Variants in WWP2 observed in about 807,000 individuals in gnomAD.
The protein encoded by WWP2 is NEDD4-like E3 ubiquitin-protein ligase WWP2.
WWP2 carries 57 observed loss-of-function variants against 121.0 expected under a neutral mutation model. The ratio of observed to expected loss-of-function variants is 0.47; its 90% CI spans 0.38 to 0.59. WWP2 has a LOEUF of 0.59. Ranked by LOEUF, WWP2 falls within the 20% of genes least tolerant of loss-of-function variation. The pLI, the probability that WWP2 is intolerant of heterozygous loss-of-function variation, is 0.00. For missense variants in WWP2, 962 were observed against 1,158.9 expected, an observed-to-expected ratio of 0.83 and a Z score of 2.47; for synonymous variants, 449 against 441.3, an observed-to-expected ratio of 1.02 and a Z score of -0.22.
At chr16:69,805,469 G>A (rs1382719873) in intron 4 of WWP2, among the ~76,000 whole-genome samples, 1 of 152,118 alleles carries the variant, frequency 6.6e-6, no homozygotes, top group Non-Finnish European at 1.5e-5. Context: ...ATGCCCTCTA[G>A]TAAATAACTT....
chr16:69,827,753 T>C (rs1399237144), intron 4 of WWP2: 4 of 382,184 alleles, frequency 1.0e-5, no homozygotes, highest in Non-Finnish European at 2.1e-5. Context: ...AGGCAGGGCC[T>C]GGGCAGGGGA....
At chr16:69,932,999 C>G (rs965682755) in intron 16 of WWP2, 1 of 472,482 alleles carries the variant, frequency 2.1e-6, no homozygotes, top group East Asian at 6.8e-5. Context: ...GCGCTGGCCC[C>G]GTGGATGGAT....
chr16:69,823,513 A>T (rs1480036574), intron 4 of WWP2, among the ~76,000 whole-genome samples: 1 of 150,526 alleles, frequency 6.6e-6, no homozygotes, highest in Non-Finnish European at 1.5e-5. Flanking sequence ...TTTCTTGCCC[A>T]GGCTGGAGTG....
chr16:69,934,069 C>T lies in WWP2; in HGVS notation c.1782C>T (p.Ala594=), dbSNP rs766649550. ...KNNYCLQINP[A]SSINPDHLTY... is the part of the protein sequence containing the mutation. ...ATTACTGCCTGCAGATCAACCCCGC[C>T]TCCTCCATCAACCCGGACCACCTCA... is the stretch of plus-strand genomic sequence containing the variant. Residue 594 remains alanine (A), a synonymous_variant, in exon 17 of 24, where the codon GCC becomes GCT. Coordinates refer to ENST00000359154, the MANE Select transcript of WWP2 (RefSeq NM_001270454.2). The T allele has an allele frequency of 5.6e-6, 9 of 1,614,094 alleles. No individual in the cohort carries two copies. The Admixed American group carries it at 8.3e-5, about 15-fold the overall frequency.
At position 69,925,318 on chromosome 16, in the gene WWP2, G is replaced by A; in HGVS notation, c.1180-112G>A. ...AAAGTCCCACTGCATTCCCTGCAAAGCGCTCAAATGTGGAAGCCAGTCATT... is the reference window on the plus strand; with the variant it reads ...AAAGTCCCACTGCATTCCCTGCAAAACGCTCAAATGTGGAAGCCAGTCATT... On this transcript the variant is annotated intron_variant, in intron 10 of 23. Transcript: ENST00000359154. This position sits in a 1 kb window ranked among gnomAD's most constrained non-coding sequence, Gnocchi z 4.0. The A allele has an allele frequency of 1.3e-6, 2 of 1,538,308 alleles. No individual in the cohort carries two copies. The highest frequency in any genetic ancestry group is 1.8e-6 in the Non-Finnish European group (2 of 1,138,292).
chr16:69,880,658 C>T (rs957708508), intron 7 of WWP2, among the ~76,000 whole-genome samples: 3 of 152,200 alleles, frequency 2.0e-5, no homozygotes, highest in South Asian at 2.1e-4. Context: ...CATCCCATGC[C>T]GTGCTAATTA....
At chr16:69,824,153 C>T (rs551399265) in intron 4 of WWP2, among the ~76,000 whole-genome samples, 1 of 152,368 alleles carries the variant, frequency 6.6e-6, no homozygotes, top group Admixed American at 6.5e-5. Context: ...ATTCCAGCCT[C>T]CCAGGTTCTC....
chr16:69,779,969 A>G (rs1424856804), intron 1 of WWP2, among the ~76,000 whole-genome samples: 1 of 152,208 alleles, frequency 6.6e-6, no homozygotes, highest in East Asian at 1.9e-4. Context: ...CACCATCTGG[A>G]TTTAATGAAT....
At chr16:69,793,658 A>G (rs1263819783) in intron 2 of WWP2, among the ~76,000 whole-genome samples, 1 of 150,928 alleles carries the variant, frequency 6.6e-6, no homozygotes, top group Non-Finnish European at 1.5e-5. Context: ...AGGCAAAGTC[A>G]GTAGATTGCC....
In WWP2 at chr16:69,901,641, G is replaced by A. The variant is rs111356004; in HGVS notation, c.915-7120G>A. Among the ~76,000 whole-genome samples, 227 of 152,242 alleles carry A rather than the reference G, an allele frequency of 1.5e-3. 2 individuals carry two copies. The highest frequency in any genetic ancestry group is 4.9e-3 in the African/African-American group (204 of 41,544). On this transcript the variant is annotated intron_variant, in intron 8 of 23. Transcript: ENST00000359154. Reference sequence around the variant, plus strand: ...GGTCTTATTTTCTAATGGAGAGAGTGGATTTTGATTGAGTTAGCTTTACTA... The same window carrying A: ...GGTCTTATTTTCTAATGGAGAGAGTAGATTTTGATTGAGTTAGCTTTACTA...
chr16:69,819,553 G>A (rs879374051), intron 4 of WWP2, among the ~76,000 whole-genome samples: 3 of 152,054 alleles, frequency 2.0e-5, no homozygotes, highest in Non-Finnish European at 2.9e-5. Context: ...GGCCTTCTTT[G>A]ATAATACTGT....
chr16:69,804,468 C>G (rs1248177024), intron 4 of WWP2, among the ~76,000 whole-genome samples: 2 of 152,110 alleles, frequency 1.3e-5, no homozygotes, highest in African/African-American at 4.8e-5. Context: ...TCCCCAATGA[C>G]TTGAGTTGCT....
intron 4 of WWP2, among the ~76,000 whole-genome samples, chr16:69,810,380 C>T (rs1024358978): frequency 8.6e-5 from 13 of 152,008 alleles, no homozygotes; most frequent in Admixed American, 6.6e-4. Context: ...CTAGTCATCT[C>T]TGGGTAGAAC....
intron 7 of WWP2, among the ~76,000 whole-genome samples, chr16:69,886,117 C>T (rs2057919788): frequency 6.6e-6 from 1 of 152,194 alleles, no homozygotes; most frequent in Admixed American, 6.5e-5. Flanking sequence ...GGGTCTCACC[C>T]TGTCACCTAG....
intron 7 of WWP2, among the ~76,000 whole-genome samples, chr16:69,883,727 C>T (rs1032018222): frequency 6.6e-6 from 1 of 152,244 alleles, no homozygotes; most frequent in African/African-American, 2.4e-5. Context: ...TCCCTCCCCG[C>T]ACCCCACCCT....
chr16:69,864,537 A>G (rs1336071590), intron 6 of WWP2, among the ~76,000 whole-genome samples: 1 of 152,026 alleles, frequency 6.6e-6, no homozygotes, highest in African/African-American at 2.4e-5. Context: ...TGTAAGTTGT[A>G]TAAAAACTCT....
chr16:69,872,800 C>CGTAAGTGAG (rs2057665234), intron 7 of WWP2, among the ~76,000 whole-genome samples: 1 of 152,230 alleles, frequency 6.6e-6, no homozygotes, highest in African/African-American at 2.4e-5. Flanking sequence ...GGAACTTCCC[C>CGTAAGTGAG]ACACTTGGCT....
chr16:69,766,117 C>T (rs895902912), intron 1 of WWP2, among the ~76,000 whole-genome samples: 27 of 151,994 alleles, frequency 1.8e-4, no homozygotes, highest in African/African-American at 6.5e-4. Context: ...AAAATTGAGC[C>T]CTACACCTGC....
At chr16:69,927,451 G>T (rs2058655657) in intron 11 of WWP2, among the ~76,000 whole-genome samples, 1 of 152,178 alleles carries the variant, frequency 6.6e-6, no homozygotes, top group Admixed American at 6.5e-5. Flanking sequence ...GGCTGAATAT[G>T]TCTGAGTCCC....
Sources: allele counts gnomAD v4.1 joint callset (sites outside exome capture counted in the v4.1 genomes callset), GRCh38; gene constraint gnomAD v4.1.1; non-coding constraint Gnocchi (gnomAD v3.1); transcripts MANE v1.5; gene names NCBI Gene and HGNC (gene_info 2026-07-23, HGNC 2026-07-21).